The following SLC6A18 variants were observed in gnomAD, a reference collection of about 807,000 sequenced individuals.
SLC6A18 encodes the protein inactive sodium-dependent neutral amino acid transporter B(0)AT3.
Under a neutral mutation model 62.9 loss-of-function variants are expected in SLC6A18, and 58 were observed. The observed-to-expected ratio is 0.92, with a 90% CI of 0.75 to 1.15. The LOEUF (loss-of-function observed/expected upper bound fraction) is 1.15, where lower values mean the gene tolerates loss of function less well. SLC6A18 is among the 50% of genes most tolerant of loss of function. The pLI is 0.00. For synonymous variants in SLC6A18, 382 were observed against 365.8 expected, an observed-to-expected ratio of 1.04 and a Z score of -0.51; for missense variants, 793 against 836.6, an observed-to-expected ratio of 0.95 and a Z score of 0.64.
chr5:1,225,796 AG>A (rs758951592), intron 1 of SLC6A18, among the ~76,000 whole-genome samples, 159 bp downstream of exon 1: 1 of 152,200 alleles, frequency 6.6e-6, no homozygotes, highest in Non-Finnish European at 1.5e-5. Context: ...CAGTCCCCTC[AG>A]GGCCCACCTG....
In SLC6A18 at chr5:1,225,565, A is replaced by G. The variant is rs1291502194; in HGVS notation, c.88A>G (p.Ser30Gly). The change falls in exon 1 of 12, where the codon AGC becomes GGC. Residue 30 changes from serine to glycine, a missense_variant. Ser to Gly is a moderately conservative substitution (Grantham distance 56). Coordinates refer to ENST00000324642, the MANE Select transcript of SLC6A18 (RefSeq NM_182632.3). ...GGACAACAAGGCCCAGTACCTCCTG[A>G]GCTGCACTGGGTTTGCCGTGGGACT... ...KWDNKAQYLL[S>G]CTGFAVGLGN... 6.2e-7 allele frequency: 1 copy of G among 1,612,460 alleles called. No individual in the cohort carries two copies. The highest frequency in any genetic ancestry group is 8.5e-7 in the Non-Finnish European group (1 of 1,178,980).
intron 3 of SLC6A18, among the ~76,000 whole-genome samples, chr5:1,233,835 A>T (rs187551719): frequency 6.6e-6 from 1 of 151,046 alleles, no homozygotes; most frequent in Admixed American, 6.6e-5. Flanking sequence ...TCTGCCTCCC[A>T]GGTTCACGCC....
At chr5:1,235,298 G>C (rs1398529208) in intron 3 of SLC6A18, among the ~76,000 whole-genome samples, 183 bp from the exon 4 acceptor site, 1 of 152,220 alleles carries the variant, frequency 6.6e-6, no homozygotes, top group Non-Finnish European at 1.5e-5. Context: ...GGTTCACTCA[G>C]CCTGTTCATT....
intron 1 of SLC6A18, among the ~76,000 whole-genome samples, chr5:1,230,767 T>C (rs1283295633): frequency 6.6e-6 from 1 of 151,998 alleles, no homozygotes; most frequent in East Asian, 1.9e-4. Flanking sequence ...CCGGCACCCA[T>C]GTAGGTCAGC....
At chr5:1,226,869 C>T (rs1376798684) in intron 1 of SLC6A18, among the ~76,000 whole-genome samples, 1 of 152,226 alleles carries the variant, frequency 6.6e-6, no homozygotes, top group East Asian at 1.9e-4. Context: ...TCACGCAGAG[C>T]TGGAAATGCC....
At chr5:1,238,306 GACTC>G in intron 5 of SLC6A18, among the ~76,000 whole-genome samples, 2 of 133,076 alleles carry the variant, frequency 1.5e-5, no homozygotes, top group African/African-American at 6.1e-5. Flanking sequence ...GGGCCTGGAG[GACTC>G]AGGAAAGACA....
chr5:1,231,822 G>A (rs774944058), intron 1 of SLC6A18, among the ~76,000 whole-genome samples: 4 of 152,176 alleles, frequency 2.6e-5, no homozygotes, highest in Non-Finnish European at 5.9e-5. Context: ...GGCCCCTGCA[G>A]GCCTCCTTCC....
intron 1 of SLC6A18, among the ~76,000 whole-genome samples, chr5:1,226,153 G>C (rs892040333): frequency 1.3e-5 from 2 of 152,178 alleles, no homozygotes; most frequent in African/African-American, 4.8e-5. Flanking sequence ...CCCTGTGGGG[G>C]GTGCCAGGAT....
At chr5:1,231,775 G>C (rs1440259566) in intron 1 of SLC6A18, among the ~76,000 whole-genome samples, 1 of 152,188 alleles carries the variant, frequency 6.6e-6, no homozygotes, top group East Asian at 1.9e-4. Flanking sequence ...TTCCCATGGG[G>C]AGGCTGATGG....
chr5:1,244,900 T>G, intron 11 of SLC6A18, 133 bp downstream of exon 11: 1 of 1,100,052 alleles, frequency 9.1e-7, no homozygotes, highest in Middle Eastern at 2.2e-4. Flanking sequence ...GCGTGGTCAC[T>G]TCTGCCTGGC....
Position 1,242,842 on chromosome 5 carries a change from C to T in SLC6A18, c.1110C>T (p.Leu370=). ...RVAQLPLKAC[L]LEDFLDKSAS... is the part of the protein sequence containing the mutation. ...CCCAGCTCCCCCTGAAGGCCTGCCTCCTGGAAGACTTTCTGGATAAGGTAC... is the reference window on the plus strand; with the variant it reads ...CCCAGCTCCCCCTGAAGGCCTGCCTTCTGGAAGACTTTCTGGATAAGGTAC... The change falls in exon 8 of 12, where the codon CTC becomes CTT. Residue 370 remains leucine (L), a synonymous_variant. Coordinates refer to ENST00000324642, the MANE Select transcript of SLC6A18 (RefSeq NM_182632.3). 1 of 1,611,518 alleles carries T rather than the reference C, an allele frequency of 6.2e-7. No individual in the cohort carries two copies. Among genetic ancestry groups the T allele is most frequent in the South Asian group, 1.1e-5 (1 of 90,814 alleles).
At chr5:1,233,235 A>T (rs6554676) in intron 3 of SLC6A18, among the ~76,000 whole-genome samples, 137,996 of 152,240 alleles carry the variant, frequency 0.91, 62,873 homozygotes, top group African/African-American at 0.93. Context: ...CCCAGCACTT[A>T]GGGAGGCCGA....
At chr5:1,240,707 A>G in intron 7 of SLC6A18, 48 bp downstream of exon 7, 1 of 1,606,688 alleles carries the variant, frequency 6.2e-7, no homozygotes, top group South Asian at 1.1e-5. Flanking sequence ...GCCGCCAGAC[A>G]GGTGCCTGCC....
In SLC6A18 at chr5:1,235,794, C is replaced by T. The variant is rs371220280; in HGVS notation, c.621+132C>T. On this transcript the variant is annotated intron_variant, in intron 4 of 11. Coordinates refer to ENST00000324642, the MANE Select transcript of SLC6A18 (RefSeq NM_182632.3). ...TAAACATCTAGGATTGCAACGTCTTCTTAGGGAATTGATCCCATTATCACT... is the reference window on the plus strand; with the variant it reads ...TAAACATCTAGGATTGCAACGTCTTTTTAGGGAATTGATCCCATTATCACT... 4.0e-5 allele frequency: 35 copies of T among 867,310 alleles called. No homozygotes were observed. The African/African-American group carries it at 5.3e-4, about 13-fold the overall frequency. 53.7% of individuals were successfully genotyped at this position (867,310 alleles called of 1,614,324 possible).
rs559151063 is a variant in SLC6A18, at chr5:1,233,828, G to A, written c.439+940G>A. ...GCTATCTTGGCTCACTGCAAGCTCT[G>A]CCTCCCAGGTTCACGCCATTCTCCT... On this transcript the variant is annotated intron_variant, in intron 3 of 11. Coordinates refer to ENST00000324642, the MANE Select transcript of SLC6A18 (RefSeq NM_182632.3). Among the ~76,000 whole-genome samples the A allele has an allele frequency of 8.6e-5, 13 of 151,368 alleles. No individual in the cohort carries two copies. In the South Asian group the frequency reaches 2.3e-3, roughly 27 times the overall value.
chr5:1,231,070 T>A (rs898387470), intron 1 of SLC6A18, among the ~76,000 whole-genome samples: 1 of 152,206 alleles, frequency 6.6e-6, no homozygotes, highest in Non-Finnish European at 1.5e-5. Flanking sequence ...TGTAGGCAGC[T>A]GCTGAACTTA....
rs373783511 is a variant in SLC6A18 at position 1,243,728 on chromosome 5, G to A, written c.1305G>A (p.Leu435=). 88 of 1,611,022 alleles carry A rather than the reference G, an allele frequency of 5.5e-5. 1 individual carries two copies. The South Asian group carries it at 8.2e-4, about 15-fold the overall frequency. The part of the protein sequence containing the change: ...VITPLLDVGV[L]PRWVPKEALT... Reference sequence around the variant, plus strand: ...CACCCCTGCTGGACGTGGGGGTCCTGCCTAGATGGGTCCCCAAGGAGGCCC... The same window carrying A: ...CACCCCTGCTGGACGTGGGGGTCCTACCTAGATGGGTCCCCAAGGAGGCCC... The change falls in exon 9 of 12, where the codon CTG becomes CTA. Residue 435 remains leucine, a synonymous_variant. Coordinates refer to ENST00000324642, the MANE Select transcript of SLC6A18 (RefSeq NM_182632.3). The surrounding 1 kb of genome is among the most constrained non-coding windows in gnomAD (Gnocchi z 6.5).
chr5:1,240,702 C>T, intron 7 of SLC6A18, 43 bp downstream of exon 7: 2 of 1,607,688 alleles, frequency 1.2e-6, no homozygotes, highest in Non-Finnish European at 8.5e-7. Context: ...GCACAGCCGC[C>T]AGACAGGTGC....
At chr5:1,245,679 G>T (rs997052240) in intron 11 of SLC6A18, among the ~76,000 whole-genome samples, 169 bp from the exon 12 acceptor site, 1 of 152,230 alleles carries the variant, frequency 6.6e-6, no homozygotes, top group Non-Finnish European at 1.5e-5. Context: ...GGCCCGGAGG[G>T]GCGGTGGTGA....
Sources: allele counts gnomAD v4.1 joint callset (sites outside exome capture counted in the v4.1 genomes callset), GRCh38; gene constraint gnomAD v4.1.1; non-coding constraint Gnocchi (gnomAD v3.1); transcripts MANE v1.5; gene names NCBI Gene and HGNC (gene_info 2026-07-23, HGNC 2026-07-21).